PIP4K2B: variants seen among roughly 807,000 people sequenced by gnomAD.
PIP4K2B encodes the protein phosphatidylinositol 5-phosphate 4-kinase type-2 beta.
Under a neutral mutation model 42.0 loss-of-function variants are expected in PIP4K2B, and 3 were observed. That is an observed-to-expected ratio of 0.07 (90% CI 0.03 to 0.18). PIP4K2B has a LOEUF of 0.18. Ranked by LOEUF, PIP4K2B falls within the 10% of genes least tolerant of loss-of-function variation. The probability of loss-of-function intolerance (pLI) is 1.00; values close to 1 mark genes in which losing one functional copy is unlikely to be tolerated. For missense variants in PIP4K2B, 332 were observed against 562.3 expected, an observed-to-expected ratio of 0.59 and a Z score of 4.14; for synonymous variants, 204 against 210.1, an observed-to-expected ratio of 0.97 and a Z score of 0.25.
At chr17:38,777,563 C>T (rs899951209) in intron 7 of PIP4K2B, 124 bp downstream of exon 7, 1 of 711,268 alleles carries the variant, frequency 1.4e-6, no homozygotes, top group Non-Finnish European at 2.5e-6. Context: ...CCACGCTGCT[C>T]AAATCACCAC....
chr17:38,777,918 A>G, intron 6 of PIP4K2B, 118 bp from the exon 7 acceptor site: 1 of 713,950 alleles, frequency 1.4e-6, no homozygotes, highest in East Asian at 2.7e-5. Context: ...CAGTGTACCG[A>G]CCCTCAACCT....
rs1016207859 is a variant in PIP4K2B, at chr17:38,799,499, C to T, written c.-75G>A. 11 of 1,392,754 alleles carry T rather than the reference C, an allele frequency of 7.9e-6. No individual in the cohort carries two copies. The highest frequency in any genetic ancestry group is 1.0e-5 in the Non-Finnish European group (11 of 1,080,770). 86.3% of individuals were successfully genotyped at this position (1,392,754 alleles called of 1,614,324 possible). ...GCACAAGCCAGCGGCCTCAGGCCTC[C>T]CCCGGACCGATCCCCACCCCCGCTC... is the stretch of plus-strand genomic sequence containing the variant. On this transcript the variant is annotated 5_prime_UTR_variant, in exon 1 of 10. Transcript: ENST00000619039. This position sits in a 1 kb window ranked among gnomAD's most constrained non-coding sequence, Gnocchi z 4.4.
At position 38,799,302 on chromosome 17, in the gene PIP4K2B, C is replaced by T; in HGVS notation, c.123G>A (p.Pro41=). The T allele has an allele frequency of 6.2e-7, 1 of 1,607,326 alleles. No homozygotes were observed. Among genetic ancestry groups the T allele is most frequent in the Non-Finnish European group, 8.5e-7 (1 of 1,177,378 alleles). The change falls in exon 1 of 10, where the codon CCG becomes CCA. Residue 41 remains proline, a synonymous_variant. Coordinates refer to ENST00000619039, the MANE Select transcript of PIP4K2B (RefSeq NM_003559.5). This position sits in a 1 kb window ranked among gnomAD's most constrained non-coding sequence, Gnocchi z 4.4. ...QKVKLFRASE[P]ILSVLMWGVN... ...CCCCCCACATCAGGACGCTGAGGATCGGCTCGCTGGCCCGGAATAGCTTCA... is the reference window on the plus strand; with the variant it reads ...CCCCCCACATCAGGACGCTGAGGATTGGCTCGCTGGCCCGGAATAGCTTCA...
chr17:38,775,980 C>CTTTTTTTTTTTTTTTTTTTT, intron 7 of PIP4K2B: 3 of 400,648 alleles, frequency 7.5e-6, no homozygotes, highest in Non-Finnish European at 4.9e-6. Context: ...TGTTTGCTTC[C>CTTTTTTTTTTTTTTTTTTTT]TTTTTTTTTT....
chr17:38,771,513 G>A (rs1909039379), intron 7 of PIP4K2B, among the ~76,000 whole-genome samples: 1 of 131,828 alleles, frequency 7.6e-6, no homozygotes, highest in South Asian at 2.4e-4. Flanking sequence ...TCACACCACT[G>A]CACTCTAGCT....
Position 38,795,417 on chromosome 17 carries a change from G to A in PIP4K2B, c.159+3849C>T, listed in dbSNP as rs140923480. On this transcript the variant is annotated intron_variant, in intron 1 of 9. Coordinates refer to ENST00000619039, the MANE Select transcript of PIP4K2B (RefSeq NM_003559.5). Reference sequence around the variant, plus strand: ...AGGCCAGGAGTTCAGGACCAGCCTCGGCAACAAAGCGAGACCCTGTCTCTA... The same window carrying A: ...AGGCCAGGAGTTCAGGACCAGCCTCAGCAACAAAGCGAGACCCTGTCTCTA... Among the ~76,000 whole-genome samples, 1,507 of 152,150 alleles carry A rather than the reference G, an allele frequency of 9.9e-3. 22 individuals carry two copies. The highest frequency in any genetic ancestry group is 0.031 in the South Asian group (148 of 4,816).
rs148883631 is a variant in PIP4K2B, at chr17:38,775,321, T to C, written c.807+2366A>G. Among the ~76,000 whole-genome samples the C allele has an allele frequency of 7.2e-4, 109 of 152,186 alleles. No homozygotes were observed. In the East Asian group the frequency reaches 0.013, roughly 18 times the overall value. ...AGGCTGATGCACAGTGGCATGATCA[T>C]AGCTCACCACAACCGTGAACTCCTA... On this transcript the variant is annotated intron_variant, in intron 7 of 9. Transcript: ENST00000619039.
rs767688261 is a variant in PIP4K2B at position 38,769,823 on chromosome 17, A to G, written c.1171-52T>C. On this transcript the variant is annotated intron_variant, in intron 9 of 9. Transcript: ENST00000619039. ...GTTGAGTTCCTGTGCCCCAATCAGG[A>G]GGCTGCACATGGGGGGAGCCAGGGT... 1,119 of 1,574,162 alleles carry G rather than the reference A, an allele frequency of 7.1e-4. 5 individuals are homozygous for G. Among genetic ancestry groups the G allele is most frequent in the Middle Eastern group, 6.4e-3 (38 of 5,984 alleles).
chr17:38,788,691 TA>T (rs1026410072), intron 1 of PIP4K2B, among the ~76,000 whole-genome samples: 2 of 150,792 alleles, frequency 1.3e-5, no homozygotes, highest in African/African-American at 4.9e-5. Context: ...ACCCTATCTC[TA>T]AAAAAAATAA....
intron 7 of PIP4K2B, chr17:38,776,598 T>C (rs1909358738): frequency 2.3e-6 from 1 of 439,404 alleles, no homozygotes. Flanking sequence ...TGCACTGCAC[T>C]CCAGCCTGGG....
chr17:38,786,637 T>C (rs538543522), intron 2 of PIP4K2B, among the ~76,000 whole-genome samples, 186 bp downstream of exon 2: 1 of 152,264 alleles, frequency 6.6e-6, no homozygotes, highest in East Asian at 1.9e-4. Context: ...GAGACGACAA[T>C]ACTAGGATGA....
At chr17:38,779,608 T>C in intron 4 of PIP4K2B, 79 bp from the exon 5 acceptor site, 2 of 1,337,636 alleles carry the variant, frequency 1.5e-6, no homozygotes, top group South Asian at 1.2e-5. Context: ...CAGACTAAAA[T>C]GCTCCCTGGC....
At chr17:38,782,220 G>A (rs1283362995) in intron 3 of PIP4K2B, among the ~76,000 whole-genome samples, 1 of 152,178 alleles carries the variant, frequency 6.6e-6, no homozygotes, top group Non-Finnish European at 1.5e-5. Context: ...AAGACTTACA[G>A]GCTGCAAGCC....
intron 1 of PIP4K2B, among the ~76,000 whole-genome samples, chr17:38,794,585 C>CAAT (rs140005102): frequency 0.096 from 9,486 of 98,456 alleles, 486 homozygotes; most frequent in South Asian, 0.21. Context: ...ACATCCTGGG[C>CAAT]AATACAGAGA....
chr17:38,789,407 T>C (rs548952840), intron 1 of PIP4K2B, among the ~76,000 whole-genome samples: 1 of 152,352 alleles, frequency 6.6e-6, no homozygotes, highest in South Asian at 2.1e-4. Context: ...CTCAACCCAG[T>C]TGCCACTAAT....
At chr17:38,794,277 A>C (rs1052643518) in intron 1 of PIP4K2B, among the ~76,000 whole-genome samples, 1 of 152,014 alleles carries the variant, frequency 6.6e-6, no homozygotes, top group Non-Finnish European at 1.5e-5. Context: ...AAACAGTCCA[A>C]TTCATAGAAA....
intron 1 of PIP4K2B, among the ~76,000 whole-genome samples, chr17:38,790,620 T>C (rs1332165963): frequency 6.6e-6 from 1 of 152,118 alleles, no homozygotes; most frequent in South Asian, 2.1e-4. Context: ...CACCATGCCC[T>C]GCTAATTTTT....
chr17:38,776,629 A>T (rs1338023045), intron 7 of PIP4K2B: 1 of 445,642 alleles, frequency 2.2e-6, no homozygotes, highest in South Asian at 1.6e-5. Context: ...GAATCTCCTA[A>T]AAAAAAACAA....
chr17:38,779,633 A>AC, intron 4 of PIP4K2B, 104 bp from the exon 5 acceptor site: 2 of 965,324 alleles, frequency 2.1e-6, no homozygotes, highest in Non-Finnish European at 3.2e-6. Context: ...TGGGATTCTA[A>AC]CCTCTAGACC....
Sources: gnomAD v4.1 joint callset for allele counts (sites outside exome capture counted in the v4.1 genomes callset) on GRCh38, gnomAD v4.1.1 for gene constraint, Gnocchi (gnomAD v3.1) non-coding constraint, MANE v1.5 for transcripts, NCBI Gene and HGNC (gene_info 2026-07-23, HGNC 2026-07-21) for gene names.